MAGI2: variants seen among roughly 807,000 people sequenced by gnomAD.
MAGI2 encodes the protein membrane associated guanylate kinase, WW and PDZ domain containing 2, also known as membrane-associated guanylate kinase, WW and PDZ domain-containing protein 2.
In MAGI2, 35 loss-of-function variants were observed where a neutral mutation model predicts 133.3. That is an observed-to-expected ratio of 0.26 (90% confidence interval 0.20 to 0.35). The LOEUF (loss-of-function observed/expected upper bound fraction) is 0.35, where lower values mean the gene tolerates loss of function less well. MAGI2 is among the 10% of genes least tolerant of loss of function. MAGI2 has a pLI of 1.00. For synonymous variants in MAGI2, 729 were observed against 710.6 expected, an observed-to-expected ratio of 1.03 and a Z score of -0.41; for missense variants, 1,636 against 1,863.4, an observed-to-expected ratio of 0.88 and a Z score of 2.25.
chr7:78,719,345 C>T (rs1026142223), intron 2 of MAGI2, among the ~76,000 whole-genome samples: 2 of 151,858 alleles, frequency 1.3e-5, no homozygotes, highest in African/African-American at 4.8e-5. Context: ...CAAATAGCTT[C>T]CCTTAAGGTT....
intron 2 of MAGI2, among the ~76,000 whole-genome samples, chr7:78,808,791 C>T (rs1788798492): frequency 6.6e-6 from 1 of 152,250 alleles, no homozygotes; most frequent in African/African-American, 2.4e-5. Flanking sequence ...GGGAGCACCC[C>T]ACTTCCACAT....
At chr7:79,220,314 G>C (rs1830351025) in intron 1 of MAGI2, among the ~76,000 whole-genome samples, 1 of 151,968 alleles carries the variant, frequency 6.6e-6, no homozygotes, top group Non-Finnish European at 1.5e-5. Flanking sequence ...CTACCTCACG[G>C]ACAGCCTTAG....
chr7:79,433,308 T>C (rs1847903665), intron 1 of MAGI2, among the ~76,000 whole-genome samples: 1 of 151,934 alleles, frequency 6.6e-6, no homozygotes, highest in African/African-American at 2.4e-5. Flanking sequence ...TCCCAGCACT[T>C]TGGGAGGCCG....
chr7:78,635,300 A>G (rs1809507510), intron 2 of MAGI2, among the ~76,000 whole-genome samples: 1 of 152,216 alleles, frequency 6.6e-6, no homozygotes, highest in Non-Finnish European at 1.5e-5. Flanking sequence ...TGTCTTAGGA[A>G]GAAAAGGGCA....
intron 9 of MAGI2, among the ~76,000 whole-genome samples, chr7:78,336,699 T>C (rs910197416): frequency 1.3e-5 from 2 of 151,526 alleles, no homozygotes; most frequent in African/African-American, 4.9e-5. Context: ...CACTCCAGCC[T>C]GGGTGACAGA....
At chr7:79,001,694 G>C (rs1427903551) in intron 2 of MAGI2, among the ~76,000 whole-genome samples, 1 of 151,964 alleles carries the variant, frequency 6.6e-6, no homozygotes, top group Non-Finnish European at 1.5e-5. Flanking sequence ...CTCCATTTTT[G>C]CTCTTTAAAC....
chr7:78,104,655 C>T (rs1487412083), intron 20 of MAGI2, among the ~76,000 whole-genome samples: 1 of 152,150 alleles, frequency 6.6e-6, no homozygotes, highest in African/African-American at 2.4e-5. Flanking sequence ...ACTTTTAAGT[C>T]TTTCCTCATC....
intron 1 of MAGI2, among the ~76,000 whole-genome samples, chr7:79,157,764 T>C (rs1301780682): frequency 6.6e-6 from 1 of 151,880 alleles, no homozygotes; most frequent in Non-Finnish European, 1.5e-5. Flanking sequence ...ATCCTAAGTA[T>C]TCTTTTTCTC....
At chr7:78,303,535 G>T (rs138904421) in intron 9 of MAGI2, among the ~76,000 whole-genome samples, 2 of 151,938 alleles carry the variant, frequency 1.3e-5, no homozygotes, top group Non-Finnish European at 2.9e-5. Context: ...AAATGAAAGC[G>T]TTGGAACTGT....
intron 2 of MAGI2, among the ~76,000 whole-genome samples, chr7:78,818,936 G>A (rs1372511439): frequency 1.3e-5 from 2 of 152,010 alleles, no homozygotes; most frequent in Non-Finnish European, 2.9e-5. Flanking sequence ...GTGTCAAATG[G>A]TTCAGAATAC....
intron 2 of MAGI2, among the ~76,000 whole-genome samples, chr7:78,875,345 C>A (rs1484107146): frequency 6.6e-6 from 1 of 152,066 alleles, no homozygotes; most frequent in Non-Finnish European, 1.5e-5. Flanking sequence ...GGAAAAGCAA[C>A]TAAAATTTAT....
At chr7:79,301,101 C>A (rs765404252) in intron 1 of MAGI2, among the ~76,000 whole-genome samples, 25 of 152,366 alleles carry the variant, frequency 1.6e-4, no homozygotes, top group Non-Finnish European at 2.5e-4. Context: ...GTGGAGCCCC[C>A]ACAGAGAACC....
chr7:78,666,710 C>T (rs1813630587), intron 2 of MAGI2, among the ~76,000 whole-genome samples: 1 of 152,140 alleles, frequency 6.6e-6, no homozygotes, highest in African/African-American at 2.4e-5. Flanking sequence ...GAATAATACT[C>T]AATTTGATTC....
chr7:78,835,777 T>A (rs1201654955), intron 2 of MAGI2, among the ~76,000 whole-genome samples: 1 of 152,216 alleles, frequency 6.6e-6, no homozygotes, highest in East Asian at 1.9e-4. Flanking sequence ...TTAATACATT[T>A]ATGGTTCCAT....
At chr7:78,321,879 A>G (rs891646619) in intron 9 of MAGI2, among the ~76,000 whole-genome samples, 3 of 152,324 alleles carry the variant, frequency 2.0e-5, no homozygotes, top group African/African-American at 7.2e-5. Flanking sequence ...TATCTGACAA[A>G]GGGCTAATAT....
At chr7:79,028,253 A>ATG in intron 1 of MAGI2, among the ~76,000 whole-genome samples, 1 of 23,652 alleles carries the variant, frequency 4.2e-5, no homozygotes, top group South Asian at 1.2e-3. Context: ...ATATATATAT[A>ATG]TATATATATA....
At chr7:79,373,427 T>A (rs1048595125) in intron 1 of MAGI2, among the ~76,000 whole-genome samples, 5 of 152,018 alleles carry the variant, frequency 3.3e-5, no homozygotes, top group African/African-American at 7.2e-5. Flanking sequence ...AAATATCCTA[T>A]AATTTAATAA....
rs533848507 is a variant in MAGI2 at position 78,256,870 on chromosome 7, C to T, written c.1409-289G>A. 1.6e-4 allele frequency among the ~76,000 whole-genome samples: 25 copies of T among 152,232 alleles called. 1 individual carries two copies. The highest frequency in any genetic ancestry group is 5.1e-4 in the African/African-American group (21 of 41,546). ...AAAGAAAAGGTTAGAGGAATGTGTA[C>T]CTTGAAGAAGCACATTCTCTATGCT... On this transcript the variant is annotated intron_variant, in intron 9 of 21. Coordinates refer to ENST00000354212, the MANE Select transcript of MAGI2 (RefSeq NM_012301.4).
chr7:78,579,546 G>A (rs138541075), intron 3 of MAGI2, among the ~76,000 whole-genome samples: 1 of 152,292 alleles, frequency 6.6e-6, no homozygotes, highest in Non-Finnish European at 1.5e-5. Context: ...TTGACCTGGA[G>A]ATGGTACCAG....
Sources: allele counts gnomAD v4.1 joint callset (sites outside exome capture counted in the v4.1 genomes callset), GRCh38; gene constraint gnomAD v4.1.1; transcripts MANE v1.5; gene names NCBI Gene and HGNC (gene_info 2026-07-23, HGNC 2026-07-21).